The following PRKG1 variants were observed in gnomAD, a reference collection of about 807,000 sequenced individuals.
PRKG1 encodes cGMP-dependent protein kinase 1.
PRKG1 carries 35 observed loss-of-function variants against 88.1 expected under a neutral mutation model. The ratio of observed to expected loss-of-function variants is 0.40; its 90% confidence interval spans 0.30 to 0.53. The LOEUF is 0.53. Ranked by LOEUF, PRKG1 falls within the 20% of genes least tolerant of loss-of-function variation. The pLI, the probability that PRKG1 is intolerant of heterozygous loss-of-function variation, is 0.59. For missense variants in PRKG1, 540 were observed against 839.8 expected (o/e 0.64, Z 4.41); for synonymous variants, 303 against 292.5 (o/e 1.04, Z -0.37).
chr10:51,376,514 C>T (rs1029926649), intron 2 of PRKG1, among the ~76,000 whole-genome samples: 3 of 152,152 alleles, frequency 2.0e-5, no homozygotes, highest in Admixed American at 1.3e-4. Flanking sequence ...GCTGTTAACA[C>T]TTCTGAGATA....
chr10:51,960,979 A>G (rs553571063), intron 5 of PRKG1, among the ~76,000 whole-genome samples: 1 of 152,266 alleles, frequency 6.6e-6, no homozygotes, highest in East Asian at 1.9e-4. Context: ...AGCTCATTTG[A>G]TATGTGTTCT....
intron 3 of PRKG1, among the ~76,000 whole-genome samples, chr10:51,592,653 T>C (rs1043096854): frequency 6.6e-5 from 10 of 152,166 alleles, no homozygotes; most frequent in African/African-American, 2.4e-4. Context: ...ACTTCCCTTC[T>C]CCTTCTCATT....
At chr10:51,964,703 A>T (rs989806446) in intron 5 of PRKG1, among the ~76,000 whole-genome samples, 5 of 152,202 alleles carry the variant, frequency 3.3e-5, no homozygotes, top group African/African-American at 1.2e-4. Context: ...ACAGAGAAAA[A>T]CTGAACTGAA....
chr10:51,078,409 T>A (rs2131845867), intron 1 of PRKG1, among the ~76,000 whole-genome samples: 1 of 144,784 alleles, frequency 6.9e-6, no homozygotes, highest in South Asian at 2.2e-4. Context: ...TTTTTTTTTT[T>A]AGTAGAGATG....
intron 3 of PRKG1, among the ~76,000 whole-genome samples, chr10:51,639,363 G>A (rs994188041): frequency 2.1e-5 from 3 of 140,286 alleles, no homozygotes; most frequent in Non-Finnish European, 3.0e-5. Flanking sequence ...GAACCTCGGA[G>A]GCCGAGCTTG....
intron 2 of PRKG1, among the ~76,000 whole-genome samples, chr10:51,436,914 T>A (rs1384275164): frequency 1.3e-5 from 2 of 152,030 alleles, no homozygotes; most frequent in Non-Finnish European, 2.9e-5. Flanking sequence ...GCTAATTGAC[T>A]TGCCAGAGGT....
At chr10:51,309,032 G>C (rs1297554164) in intron 2 of PRKG1, among the ~76,000 whole-genome samples, 2 of 152,110 alleles carry the variant, frequency 1.3e-5, no homozygotes, top group African/African-American at 4.8e-5. Flanking sequence ...CAAAAAGACA[G>C]CCAAGCAGGA....
intron 2 of PRKG1, among the ~76,000 whole-genome samples, chr10:51,181,219 A>G (rs1311023601): frequency 7.2e-6 from 1 of 138,048 alleles, no homozygotes; most frequent in African/African-American, 2.7e-5. Context: ...AGATTATTAT[A>G]TAGAATTTTT....
At chr10:51,670,399 T>G (rs1840527123) in intron 3 of PRKG1, among the ~76,000 whole-genome samples, 1 of 151,818 alleles carries the variant, frequency 6.6e-6, no homozygotes, top group Non-Finnish European at 1.5e-5. Context: ...TATTTTTCTT[T>G]ATTTTTTTTT....
At chr10:51,031,473 A>G (rs1589114970) in intron 1 of PRKG1, among the ~76,000 whole-genome samples, 1 of 152,208 alleles carries the variant, frequency 6.6e-6, no homozygotes, top group African/African-American at 2.4e-5. Context: ...GAGTCTCTAA[A>G]TAGATATTAT....
At chr10:52,037,703 G>A (rs969467753) in intron 5 of PRKG1, among the ~76,000 whole-genome samples, 5 of 152,330 alleles carry the variant, frequency 3.3e-5, no homozygotes, top group South Asian at 2.1e-4. Flanking sequence ...GGCTAGTCAT[G>A]GAACGAAACT....
intron 5 of PRKG1, among the ~76,000 whole-genome samples, chr10:52,030,562 C>T (rs1845449862): frequency 6.6e-6 from 1 of 152,120 alleles, no homozygotes; most frequent in African/African-American, 2.4e-5. Context: ...CAGGATGCTT[C>T]TAATTAAGTG....
chr10:52,016,085 A>G (rs893622573), intron 5 of PRKG1, among the ~76,000 whole-genome samples: 2 of 152,198 alleles, frequency 1.3e-5, no homozygotes, highest in Non-Finnish European at 2.9e-5. Context: ...CTTAGTTCCA[A>G]AGTCACTTTC....
intron 4 of PRKG1, among the ~76,000 whole-genome samples, chr10:51,886,996 G>A (rs1247228920): frequency 6.7e-6 from 1 of 150,346 alleles, no homozygotes; most frequent in African/African-American, 2.4e-5. Context: ...ATTATGATTG[G>A]TATTTTTTGA....
chr10:51,591,648 G>GT (rs1454741888), intron 3 of PRKG1, among the ~76,000 whole-genome samples: 1 of 152,176 alleles, frequency 6.6e-6, no homozygotes, highest in Non-Finnish European at 1.5e-5. Context: ...AATGAAGGCT[G>GT]TGGGGGTTGT....
rs552577873 is a variant in PRKG1, at chr10:51,817,153, T to G, written c.698+12463T>G. On this transcript the variant is annotated intron_variant, in intron 4 of 17. Transcript: ENST00000373980. ...CTTCTTGAAATTAGGTCTTGGTGTTTGGGGCAGCGGGGCCCAAAGGAATGG... is the reference window on the plus strand; with the variant it reads ...CTTCTTGAAATTAGGTCTTGGTGTTGGGGGCAGCGGGGCCCAAAGGAATGG... Among the ~76,000 whole-genome samples the G allele has an allele frequency of 2.6e-5, 4 of 152,252 alleles. No individual in the cohort carries two copies. In the South Asian group the frequency reaches 8.3e-4, roughly 32 times the overall value.
intron 3 of PRKG1, among the ~76,000 whole-genome samples, chr10:51,779,732 G>A (rs1284303016): frequency 6.6e-6 from 1 of 152,034 alleles, no homozygotes; most frequent in African/African-American, 2.4e-5. Flanking sequence ...CAGAGCTTAT[G>A]GCTGTTTGCA....
chr10:51,216,521 C>G (rs1466724395), intron 2 of PRKG1, among the ~76,000 whole-genome samples: 1 of 152,084 alleles, frequency 6.6e-6, no homozygotes, highest in East Asian at 1.9e-4. Context: ...TTTAAAAAAC[C>G]CGAATATAAC....
At chr10:52,262,617 A>G (rs760828925) in intron 10 of PRKG1, among the ~76,000 whole-genome samples, 17 of 152,022 alleles carry the variant, frequency 1.1e-4, no homozygotes, top group Non-Finnish European at 2.4e-4. Context: ...AGGATGTCAT[A>G]TGGACTTGCA....
Sources: allele counts gnomAD v4.1 joint callset (sites outside exome capture counted in the v4.1 genomes callset), GRCh38; gene constraint gnomAD v4.1.1; transcripts MANE v1.5; gene names NCBI Gene and HGNC (gene_info 2026-07-23, HGNC 2026-07-21).